The following BDNF variants were observed in gnomAD, a reference collection of about 807,000 sequenced individuals.
BDNF encodes the protein neurotrophic factor BDNF precursor form.
In BDNF, 1 loss-of-function variant was observed where a neutral mutation model predicts 19.5. The ratio of observed to expected loss-of-function variants is 0.05; its 90% confidence interval spans 0.02 to 0.24. BDNF has a LOEUF of 0.24. Ranked by LOEUF, BDNF falls within the 10% of genes least tolerant of loss-of-function variation. BDNF has a pLI of 1.00. For missense variants in BDNF, 195 were observed against 317.6 expected, an observed-to-expected ratio of 0.61 and a Z score of 2.93; for synonymous variants, 100 against 121.6, an observed-to-expected ratio of 0.82 and a Z score of 1.17.
intron 1 of BDNF, among the ~76,000 whole-genome samples, chr11:27,693,698 G>T (rs961537578): frequency 1.3e-5 from 2 of 152,196 alleles, no homozygotes; most frequent in Non-Finnish European, 2.9e-5. Flanking sequence ...TGATGTAAAA[G>T]AAGTTTGTCT....
At chr11:27,674,540 G>A (rs1564961760) in intron 1 of BDNF, 1 of 985,284 alleles carries the variant, frequency 1.0e-6, no homozygotes, top group Non-Finnish European at 1.2e-6. Flanking sequence ...GAAACTGGCT[G>A]TACTCCAGAA....
chr11:27,688,865 C>T (rs1857860810), intron 1 of BDNF, among the ~76,000 whole-genome samples: 1 of 152,150 alleles, frequency 6.6e-6, no homozygotes, highest in African/African-American at 2.4e-5. Flanking sequence ...GCCATCTGGC[C>T]AGCCACCTAA....
chr11:27,696,563 A>AT (rs1207234370), intron 1 of BDNF: 1 of 152,184 alleles, frequency 6.6e-6, no homozygotes, highest in Admixed American at 6.5e-5. Context: ...CCTCTTTAAA[A>AT]TGCAATTCAC....
At chr11:27,715,366 A>G (rs1290882173) in intron 1 of BDNF, among the ~76,000 whole-genome samples, 7 of 152,168 alleles carry the variant, frequency 4.6e-5, no homozygotes, top group African/African-American at 9.7e-5. Flanking sequence ...CCCAGAACCC[A>G]GATTCTATGA....
intron 1 of BDNF, among the ~76,000 whole-genome samples, chr11:27,687,622 T>C (rs889288168): frequency 3.3e-5 from 5 of 152,244 alleles, no homozygotes; most frequent in African/African-American, 7.2e-5. Context: ...TTGATGTTGA[T>C]GCTATTCCTG....
intron 1 of BDNF, among the ~76,000 whole-genome samples, chr11:27,713,352 GC>G (rs1213546683): frequency 6.6e-6 from 1 of 152,178 alleles, no homozygotes; most frequent in Non-Finnish European, 1.5e-5. Flanking sequence ...CAATTCAAGA[GC>G]CCCTGTATAA....
At chr11:27,709,371 A>G (rs1245777471) in intron 1 of BDNF, among the ~76,000 whole-genome samples, 1 of 152,194 alleles carries the variant, frequency 6.6e-6, no homozygotes, top group Non-Finnish European at 1.5e-5. Context: ...TAACTATAGG[A>G]TATTTAAGAA....
chr11:27,693,183 A>C (rs1465195970), intron 1 of BDNF, among the ~76,000 whole-genome samples: 1 of 152,214 alleles, frequency 6.6e-6, no homozygotes, highest in Non-Finnish European at 1.5e-5. Context: ...CAGTCTATTT[A>C]AAAAGTGAAG....
intron 1 of BDNF, chr11:27,674,458 G>A (rs1406522758): frequency 2.0e-5 from 29 of 1,420,616 alleles, no homozygotes; most frequent in South Asian, 3.2e-5. Context: ...GAAGTGTCAC[G>A]GTTCATTTCA....
Position 27,667,363 on chromosome 11 carries a change from C to T in BDNF, c.-21-8778G>A, listed in dbSNP as rs569171943. Among the ~76,000 whole-genome samples, 88 of 152,208 alleles carry T rather than the reference C, an allele frequency of 5.8e-4. 2 individuals are homozygous for T. In the South Asian group the frequency reaches 6.9e-3, roughly 12 times the overall value. ...GCTAGGAAGAAACTGCATCAACTAA[C>T]GAGCAAAATAACCAGCTAACATCAT... is the stretch of plus-strand genomic sequence containing the variant. On this transcript the variant is annotated intron_variant, in intron 1 of 1. Coordinates refer to ENST00000356660, the MANE Select transcript of BDNF (RefSeq NM_001709.5).
At chr11:27,679,467 A>G (rs1179993982) in intron 1 of BDNF, among the ~76,000 whole-genome samples, 1 of 152,196 alleles carries the variant, frequency 6.6e-6, no homozygotes, top group African/African-American at 2.4e-5. Flanking sequence ...GCTTTAGGAA[A>G]ATCATTTTCA....
chr11:27,692,363 A>G (rs1039537388), intron 1 of BDNF, among the ~76,000 whole-genome samples: 3 of 151,940 alleles, frequency 2.0e-5, no homozygotes, highest in South Asian at 2.1e-4. Context: ...CTTCCCTCCA[A>G]CGGGGTCTCA....
intron 1 of BDNF, among the ~76,000 whole-genome samples, chr11:27,688,096 G>A (rs1857732233): frequency 6.6e-6 from 1 of 152,192 alleles, no homozygotes; most frequent in Non-Finnish European, 1.5e-5. Flanking sequence ...TTCTTTCCCA[G>A]ATGCCCTGCC....
intron 1 of BDNF, among the ~76,000 whole-genome samples, chr11:27,686,255 C>CT (rs1857463368): frequency 6.6e-6 from 1 of 151,948 alleles, no homozygotes; most frequent in African/African-American, 2.4e-5. Context: ...CTTGGTAGAT[C>CT]TTCCTCCATC....
At chr11:27,708,617 A>G (rs1860206164) in intron 1 of BDNF, among the ~76,000 whole-genome samples, 1 of 152,028 alleles carries the variant, frequency 6.6e-6, no homozygotes, top group African/African-American at 2.4e-5. Flanking sequence ...TGTTTATAAG[A>G]GCACAATTTT....
chr11:27,683,025 A>C (rs1857038436), intron 1 of BDNF, among the ~76,000 whole-genome samples: 1 of 152,214 alleles, frequency 6.6e-6, no homozygotes, highest in Non-Finnish European at 1.5e-5. Flanking sequence ...ACTCCCACCA[A>C]CAGTGTAAAA....
intron 1 of BDNF, chr11:27,691,199 G>T (rs950262331): frequency 2.0e-5 from 3 of 152,194 alleles, no homozygotes; most frequent in Admixed American, 6.5e-5. Flanking sequence ...GGGGCAAGAA[G>T]TTCTGAAATA....
upstream of BDNF, chr11:27,701,377 A>G: frequency 9.5e-7 from 1 of 1,047,924 alleles, no homozygotes; most frequent in Middle Eastern, 4.7e-4. Flanking sequence ...CCCACACTCT[A>G]TTATTTTTTC....
At chr11:27,697,632 G>T (rs1859259785) in intron 1 of BDNF, 1 of 152,026 alleles carries the variant, frequency 6.6e-6, no homozygotes, top group African/African-American at 2.4e-5. Flanking sequence ...GACTTTCTTG[G>T]TTCCATTGGT....
Sources: gnomAD v4.1 joint callset for allele counts (sites outside exome capture counted in the v4.1 genomes callset) on GRCh38, gnomAD v4.1.1 for gene constraint, MANE v1.5 for transcripts, NCBI Gene and HGNC (gene_info 2026-07-23, HGNC 2026-07-21) for gene names.